SVIL: variants seen among roughly 807,000 people sequenced by gnomAD.
SVIL encodes archvillin.
SVIL carries 101 observed loss-of-function variants against 240.4 expected under a neutral mutation model. That is an observed-to-expected ratio of 0.42 (90% confidence interval 0.36 to 0.50). The LOEUF (loss-of-function observed/expected upper bound fraction) is 0.50, where lower values mean the gene tolerates loss of function less well. Ranked by LOEUF, SVIL falls within the 20% of genes least tolerant of loss-of-function variation. SVIL has a pLI of 0.01. For synonymous variants in SVIL, 999 were observed against 1,100.0 expected, an observed-to-expected ratio of 0.91 and a Z score of 1.82; for missense variants, 2,512 against 2,818.7, an observed-to-expected ratio of 0.89 and a Z score of 2.46.
chr10:29,561,468 G>A (rs1476475682), intron 3 of SVIL, among the ~76,000 whole-genome samples: 1 of 152,116 alleles, frequency 6.6e-6, no homozygotes, highest in Non-Finnish European at 1.5e-5. Context: ...CCTCTGCTAT[G>A]TAGAACTTTG....
intron 6 of SVIL, among the ~76,000 whole-genome samples, chr10:29,538,082 G>A (rs1416090397): frequency 1.3e-5 from 2 of 152,218 alleles, no homozygotes; most frequent in Admixed American, 6.5e-5. Context: ...GCAGACGCCT[G>A]CTGTTGGAAA....
At chr10:29,463,912 C>T (rs1374373284) in intron 34 of SVIL, among the ~76,000 whole-genome samples, 3 of 152,230 alleles carry the variant, frequency 2.0e-5, no homozygotes, top group Non-Finnish European at 4.4e-5. Context: ...CCTCCCTTTG[C>T]CCCAGCTCAA....
At chr10:29,648,469 C>A (rs1418884578) in intron 3 of SVIL, among the ~76,000 whole-genome samples, 1 of 152,158 alleles carries the variant, frequency 6.6e-6, no homozygotes, top group Non-Finnish European at 1.5e-5. Flanking sequence ...GTCAGTGGCA[C>A]CTGCTTTGTA....
intron 16 of SVIL, among the ~76,000 whole-genome samples, chr10:29,521,513 C>CT (rs1950562466): frequency 6.6e-6 from 1 of 152,046 alleles, no homozygotes; most frequent in Non-Finnish European, 1.5e-5. Flanking sequence ...ATACTTTCTC[C>CT]TTTTTTTGTA....
At chr10:29,635,099 A>G (rs1191621876), upstream of SVIL, 2 of 152,262 alleles carry the variant, frequency 1.3e-5, no homozygotes, top group African/African-American at 4.8e-5. Flanking sequence ...CCTGGCCAGC[A>G]GCTACTTCAA....
chr10:29,514,131 A>C (rs571191849), intron 16 of SVIL, among the ~76,000 whole-genome samples: 1 of 152,266 alleles, frequency 6.6e-6, no homozygotes, highest in East Asian at 1.9e-4. Flanking sequence ...ACTAATGCAT[A>C]ATCCACAAAT....
chr10:29,681,084 G>T (rs1353432020), intron 2 of SVIL, among the ~76,000 whole-genome samples: 1 of 152,158 alleles, frequency 6.6e-6, no homozygotes, highest in African/African-American at 2.4e-5. Context: ...TGAGTTCCCT[G>T]TGGAGGTGGG....
In SVIL at chr10:29,463,526, C is replaced by T. The variant is rs765584020; in HGVS notation, c.6243G>A (p.Lys2081=). The T allele has an allele frequency of 6.2e-7, 1 of 1,614,152 alleles. No homozygotes were observed. The highest frequency in any genetic ancestry group is 1.1e-5 in the South Asian group (1 of 91,084). ...SARIRWASDR[K]SAMETVLQYC... is the part of the protein sequence containing the mutation. ...ACTGGAGCACAGTCTCCATCGCACT[C>T]TTCCGGTCGGAGGCCCAGCGGATGC... The change falls in exon 35 of 38, where the codon AAG becomes AAA. Residue 2081 remains lysine (K), a synonymous_variant. Transcript: ENST00000355867.
chr10:29,521,411 C>T (rs1485845261), intron 16 of SVIL, among the ~76,000 whole-genome samples: 2 of 151,992 alleles, frequency 1.3e-5, no homozygotes, highest in African/African-American at 2.4e-5. Flanking sequence ...TGGGAACAGG[C>T]GATGGAAATG....
intron 29 of SVIL, among the ~76,000 whole-genome samples, chr10:29,479,015 C>G (rs1946534129): frequency 2.0e-5 from 3 of 151,910 alleles, no homozygotes; most frequent in Non-Finnish European, 4.4e-5. Context: ...CCACTACTCC[C>G]TGGAAGGAGA....
intron 27 of SVIL, among the ~76,000 whole-genome samples, chr10:29,482,008 GTTCTT>G (rs1162950274): frequency 2.6e-4 from 34 of 132,680 alleles, no homozygotes; most frequent in African/African-American, 9.0e-4. Flanking sequence ...ATTCTAGCAA[GTTCTT>G]TTCTTTTCTT....
intron 1 of SVIL, among the ~76,000 whole-genome samples, chr10:29,617,003 A>T (rs1957449975): frequency 6.6e-6 from 1 of 152,192 alleles, no homozygotes; most frequent in Non-Finnish European, 1.5e-5. Context: ...GATTACAGGC[A>T]TGAGACACCG....
intron 1 of SVIL, among the ~76,000 whole-genome samples, chr10:29,589,627 C>T (rs1956307925): frequency 6.6e-6 from 1 of 152,006 alleles, no homozygotes; most frequent in African/African-American, 2.4e-5. Flanking sequence ...AGAGACCAGG[C>T]AAGAAAAGAA....
At chr10:29,589,086 C>T (rs1045903476) in intron 1 of SVIL, among the ~76,000 whole-genome samples, 8 of 152,132 alleles carry the variant, frequency 5.3e-5, no homozygotes, top group African/African-American at 1.4e-4. Flanking sequence ...GGTGACTTTT[C>T]GGTTCACAGG....
chr10:29,660,538 G>A (rs904749362), intron 2 of SVIL, among the ~76,000 whole-genome samples: 29 of 151,894 alleles, frequency 1.9e-4, no homozygotes, highest in African/African-American at 6.3e-4. Context: ...AGCCTGGGAG[G>A]TGGAGGCTGC....
At chr10:29,532,241 G>A (rs1951423183) in intron 8 of SVIL, 69 bp from the exon 9 acceptor site, 1 of 1,544,680 alleles carries the variant, frequency 6.5e-7, no homozygotes, top group Non-Finnish European at 8.8e-7. Context: ...GATGGCAAAG[G>A]ATTATGCATC....
chr10:29,692,294 C>T (rs1367269607), intron 1 of SVIL, among the ~76,000 whole-genome samples: 1 of 152,186 alleles, frequency 6.6e-6, no homozygotes, highest in East Asian at 1.9e-4. Flanking sequence ...AGCCGATGAA[C>T]TCTCCCTGGT....
At chr10:29,564,432 A>G (rs1954789394) in intron 2 of SVIL, among the ~76,000 whole-genome samples, 1 of 152,122 alleles carries the variant, frequency 6.6e-6, no homozygotes, top group African/African-American at 2.4e-5. Context: ...GGAAGAAAAC[A>G]AACCTGTGGA....
intron 6 of SVIL, among the ~76,000 whole-genome samples, chr10:29,544,097 A>T (rs974221351): frequency 6.6e-6 from 1 of 152,074 alleles, no homozygotes; most frequent in Non-Finnish European, 1.5e-5. Flanking sequence ...ACTCCCTACA[A>T]CTCCCAAGGG....
Sources: gnomAD v4.1 joint callset for allele counts (sites outside exome capture counted in the v4.1 genomes callset) on GRCh38, gnomAD v4.1.1 for gene constraint, MANE v1.5 for transcripts, NCBI Gene and HGNC (gene_info 2026-07-23, HGNC 2026-07-21) for gene names.